Variants in RPH3A observed in about 807,000 individuals in gnomAD.
RPH3A encodes rabphilin 3A, also known as rabphilin-3A.
RPH3A carries 48 observed loss-of-function variants against 102.2 expected under a neutral mutation model. The observed-to-expected ratio is 0.47, with a 90% CI of 0.37 to 0.60. The LOEUF (loss-of-function observed/expected upper bound fraction) is 0.60. Among genes scored for constraint, RPH3A ranks in the 20% least tolerant of loss-of-function variants. RPH3A has a pLI of 0.00. For missense variants in RPH3A, 781 were observed against 910.1 expected, an observed-to-expected ratio of 0.86 and a Z score of 1.83; for synonymous variants, 310 against 324.3, an observed-to-expected ratio of 0.96 and a Z score of 0.47.
chr12:112,803,201 G>T (rs1339135717), intron 2 of RPH3A, among the ~76,000 whole-genome samples: 1 of 152,146 alleles, frequency 6.6e-6, no homozygotes, highest in African/African-American at 2.4e-5. Context: ...GCCCTGAGGG[G>T]CTCCTCACCT....
chr12:112,677,511 G>A (rs1467636661), intron 1 of RPH3A, among the ~76,000 whole-genome samples: 1 of 140,168 alleles, frequency 7.1e-6, no homozygotes, highest in African/African-American at 2.7e-5. Flanking sequence ...TAGAGTTAGG[G>A]TCTTGCTCTG....
chr12:112,774,232 A>C (rs2040949021), intron 1 of RPH3A, among the ~76,000 whole-genome samples: 1 of 152,216 alleles, frequency 6.6e-6, no homozygotes, highest in Non-Finnish European at 1.5e-5. Flanking sequence ...GTACAGAGAT[A>C]GATATTTTGG....
intron 4 of RPH3A, among the ~76,000 whole-genome samples, chr12:112,836,929 A>G (rs1036968012): frequency 6.6e-6 from 1 of 152,232 alleles, no homozygotes; most frequent in African/African-American, 2.4e-5. Flanking sequence ...TGTGCTGTAC[A>G]TTTGGTCTTT....
At chr12:112,583,477 A>G (rs1287759093) in intron 1 of RPH3A, among the ~76,000 whole-genome samples, 1 of 151,634 alleles carries the variant, frequency 6.6e-6, no homozygotes, top group Non-Finnish European at 1.5e-5. Flanking sequence ...TCTCCTAGAA[A>G]CATCTGTAAT....
intron 2 of RPH3A, among the ~76,000 whole-genome samples, chr12:112,807,995 A>AC (rs2041501741): frequency 6.6e-6 from 1 of 152,154 alleles, no homozygotes; most frequent in South Asian, 2.1e-4. Flanking sequence ...CTATATCTCC[A>AC]GTACACTATC....
chr12:112,848,559 A>G (rs2042270472), intron 5 of RPH3A, among the ~76,000 whole-genome samples: 2 of 152,136 alleles, frequency 1.3e-5, no homozygotes, highest in African/African-American at 4.8e-5. Context: ...TAATTATCCT[A>G]TAAGACTCTT....
At chr12:112,603,794 C>G (rs565191416) in intron 1 of RPH3A, among the ~76,000 whole-genome samples, 1 of 152,272 alleles carries the variant, frequency 6.6e-6, no homozygotes, top group East Asian at 1.9e-4. Context: ...GTCCCAGTCT[C>G]ATTTTTCTTC....
intron 1 of RPH3A, among the ~76,000 whole-genome samples, chr12:112,780,569 A>G (rs922683954): frequency 6.6e-5 from 10 of 152,182 alleles, no homozygotes; most frequent in African/African-American, 2.2e-4. Context: ...TGGCATTTTC[A>G]TGACGATTTT....
At chr12:112,727,852 A>G (rs904545835) in intron 1 of RPH3A, among the ~76,000 whole-genome samples, 14 of 152,170 alleles carry the variant, frequency 9.2e-5, no homozygotes, top group African/African-American at 2.4e-4. Context: ...TCTTTTGTTC[A>G]CAACCAAAGA....
intron 1 of RPH3A, among the ~76,000 whole-genome samples, chr12:112,663,833 T>C (rs1289645865): frequency 1.3e-5 from 2 of 152,186 alleles, no homozygotes; most frequent in Non-Finnish European, 2.9e-5. Flanking sequence ...CAGAATCACA[T>C]CTTTCCAGCA....
intron 1 of RPH3A, among the ~76,000 whole-genome samples, chr12:112,632,802 C>CGGACAA (rs1246604926): frequency 2.0e-5 from 3 of 152,064 alleles, no homozygotes; most frequent in Admixed American, 1.3e-4. Flanking sequence ...TGGAGCATAG[C>CGGACAA]GGACAAGGGA....
chr12:112,710,500 GC>G (rs2040453553), intron 1 of RPH3A, among the ~76,000 whole-genome samples: 1 of 151,874 alleles, frequency 6.6e-6, no homozygotes, highest in Non-Finnish European at 1.5e-5. Flanking sequence ...ATGATCCCAG[GC>G]CACAGCACTC....
At chr12:112,757,220 C>G (rs2040827950) in intron 1 of RPH3A, among the ~76,000 whole-genome samples, 1 of 152,216 alleles carries the variant, frequency 6.6e-6, no homozygotes, top group South Asian at 2.1e-4. Flanking sequence ...ACAGATTTGA[C>G]ATGGCTGTGG....
At chr12:112,896,536 A>C in intron 21 of RPH3A, 114 bp from the exon 22 acceptor site, 1 of 1,187,114 alleles carries the variant, frequency 8.4e-7, no homozygotes, top group South Asian at 1.4e-5. Context: ...TAGAGTATGG[A>C]TCCCAGGTTG....
chr12:112,837,727 A>T (rs1306418643), intron 4 of RPH3A: 1 of 455,838 alleles, frequency 2.2e-6, no homozygotes, highest in African/African-American at 2.0e-5. Flanking sequence ...CAGATGACAA[A>T]TATGAACATC....
intron 2 of RPH3A, among the ~76,000 whole-genome samples, chr12:112,810,224 C>T (rs2136119320): frequency 6.6e-6 from 1 of 152,250 alleles, no homozygotes; most frequent in Non-Finnish European, 1.5e-5. Context: ...CTCACTTGTC[C>T]TCAGCTTTGA....
intron 7 of RPH3A, 149 bp from the exon 8 acceptor site, chr12:112,868,281 G>A: frequency 1.3e-6 from 1 of 755,574 alleles, no homozygotes; most frequent in Non-Finnish European, 2.1e-6. Flanking sequence ...AATATGAATT[G>A]TGCAGGGCTC....
chr12:112,846,737 C>T (rs901264646), intron 4 of RPH3A, among the ~76,000 whole-genome samples: 1 of 152,186 alleles, frequency 6.6e-6, no homozygotes, highest in Non-Finnish European at 1.5e-5. Context: ...AGTGATGCAT[C>T]TCAGAGCCTT....
intron 1 of RPH3A, among the ~76,000 whole-genome samples, chr12:112,585,406 G>C (rs2039431513): frequency 6.6e-6 from 1 of 152,202 alleles, no homozygotes; most frequent in African/African-American, 2.4e-5. Flanking sequence ...TTGAAAACCT[G>C]GATGGCCTCA....
Sources: allele counts gnomAD v4.1 joint callset (sites outside exome capture counted in the v4.1 genomes callset), GRCh38; gene constraint gnomAD v4.1.1; transcripts MANE v1.5; gene names NCBI Gene and HGNC (gene_info 2026-07-23, HGNC 2026-07-21).